The following LDB2 variants were observed in gnomAD, a reference collection of about 807,000 sequenced individuals.
LDB2 encodes LIM domain binding 2.
In LDB2, 12 loss-of-function variants were observed where a neutral mutation model predicts 44.3. That is an observed-to-expected ratio of 0.27 (90% CI 0.17 to 0.44). The LOEUF (loss-of-function observed/expected upper bound fraction) is 0.44. LDB2 is among the 20% of genes least tolerant of loss of function. The probability of loss-of-function intolerance (pLI) is 1.00; values close to 1 mark genes in which losing one functional copy is unlikely to be tolerated. For missense variants in LDB2, 344 were observed against 473.5 expected, an observed-to-expected ratio of 0.73 and a Z score of 2.54; for synonymous variants, 164 against 174.8, an observed-to-expected ratio of 0.94 and a Z score of 0.49.
At chr4:16,525,298 A>C (rs1344832778) in intron 5 of LDB2, among the ~76,000 whole-genome samples, 1 of 152,154 alleles carries the variant, frequency 6.6e-6, no homozygotes, top group Non-Finnish European at 1.5e-5. Flanking sequence ...TGCATTTAGA[A>C]CAGCTGTCTT....
intron 5 of LDB2, among the ~76,000 whole-genome samples, chr4:16,554,119 C>T (rs542481738): frequency 5.4e-4 from 81 of 150,632 alleles, no homozygotes; most frequent in African/African-American, 2.0e-3. Context: ...GGTGCAATCT[C>T]GGCTCACCAC....
intron 2 of LDB2, among the ~76,000 whole-genome samples, chr4:16,682,253 T>A (rs892269648): frequency 2.5e-4 from 38 of 151,350 alleles, no homozygotes; most frequent in African/African-American, 8.0e-4. Context: ...AGTTAAAATT[T>A]AAAAAATCCC....
At chr4:16,877,038 G>A (rs1364138229) in intron 1 of LDB2, among the ~76,000 whole-genome samples, 1 of 152,042 alleles carries the variant, frequency 6.6e-6, no homozygotes, top group Non-Finnish European at 1.5e-5. Flanking sequence ...CTCTCCAGTA[G>A]CTGGGATGGC....
At chr4:16,712,161 A>G (rs768884175) in intron 2 of LDB2, among the ~76,000 whole-genome samples, 1 of 152,226 alleles carries the variant, frequency 6.6e-6, no homozygotes, top group Non-Finnish European at 1.5e-5. Context: ...TTAGAATCAT[A>G]TATCCAGTAA....
intron 2 of LDB2, among the ~76,000 whole-genome samples, chr4:16,684,434 T>C (rs1748723771): frequency 1.3e-5 from 2 of 152,336 alleles, no homozygotes; most frequent in South Asian, 4.1e-4. Context: ...AAATGAAGAA[T>C]GGCTGGATTT....
At chr4:16,705,176 G>A (rs955623940) in intron 2 of LDB2, among the ~76,000 whole-genome samples, 1 of 152,154 alleles carries the variant, frequency 6.6e-6, no homozygotes, top group Non-Finnish European at 1.5e-5. Context: ...ACTGAAAACA[G>A]TCGTGTGCCC....
At chr4:16,530,723 A>G (rs190142860) in intron 5 of LDB2, among the ~76,000 whole-genome samples, 42 of 152,316 alleles carry the variant, frequency 2.8e-4, no homozygotes, top group African/African-American at 9.9e-4. Context: ...ATCCTCACAG[A>G]GACTCTCCTG....
At chr4:16,813,198 C>G (rs556262589) in intron 1 of LDB2, among the ~76,000 whole-genome samples, 1 of 152,078 alleles carries the variant, frequency 6.6e-6, no homozygotes, top group Non-Finnish European at 1.5e-5. Context: ...GTTGGTCAGT[C>G]TGGTCTAGAA....
chr4:16,680,708 AT>A (rs1747614637), intron 2 of LDB2, among the ~76,000 whole-genome samples: 1 of 152,208 alleles, frequency 6.6e-6, no homozygotes, highest in Non-Finnish European at 1.5e-5. Context: ...TCATTGTTGT[AT>A]TCAGAGCCTT....
intron 2 of LDB2, among the ~76,000 whole-genome samples, chr4:16,601,872 T>C (rs1409138505): frequency 6.6e-6 from 1 of 152,154 alleles, no homozygotes; most frequent in Non-Finnish European, 1.5e-5. Flanking sequence ...ACAAGACTGA[T>C]GATTTTATTT....
At chr4:16,872,570 C>G (rs930578101) in intron 1 of LDB2, among the ~76,000 whole-genome samples, 42 of 152,082 alleles carry the variant, frequency 2.8e-4, no homozygotes, top group African/African-American at 7.0e-4. Context: ...GAATGGATGA[C>G]TGGCATAAAG....
intron 1 of LDB2, among the ~76,000 whole-genome samples, chr4:16,767,219 C>T (rs569777471): frequency 7.2e-5 from 11 of 152,098 alleles, no homozygotes; most frequent in Non-Finnish European, 1.6e-4. Context: ...ACTAGCTCTG[C>T]TGGGAGAAGG....
intron 1 of LDB2, among the ~76,000 whole-genome samples, chr4:16,858,979 C>G (rs1463391662): frequency 6.6e-6 from 1 of 152,170 alleles, no homozygotes; most frequent in Non-Finnish European, 1.5e-5. Flanking sequence ...TCAGATAGAA[C>G]TTTGCTCAAC....
intron 2 of LDB2, among the ~76,000 whole-genome samples, chr4:16,603,948 A>T (rs1175995105): frequency 1.3e-5 from 2 of 152,164 alleles, no homozygotes; most frequent in Non-Finnish European, 2.9e-5. Flanking sequence ...AGCTCACTGT[A>T]ACCTCAAACT....
chr4:16,534,633 A>T (rs890571499), intron 5 of LDB2, among the ~76,000 whole-genome samples: 4 of 152,270 alleles, frequency 2.6e-5, no homozygotes, highest in African/African-American at 4.8e-5. Flanking sequence ...ATTTAAAAAA[A>T]TAGCTTTGCC....
intron 2 of LDB2, among the ~76,000 whole-genome samples, chr4:16,713,114 A>T (rs748560128): frequency 6.6e-6 from 1 of 152,250 alleles, no homozygotes; most frequent in Non-Finnish European, 1.5e-5. Flanking sequence ...ATATGATTTC[A>T]TTCATTGAAA....
intron 5 of LDB2, among the ~76,000 whole-genome samples, chr4:16,537,780 A>G (rs559634387): frequency 6.6e-6 from 1 of 152,300 alleles, no homozygotes; most frequent in East Asian, 1.9e-4. Context: ...ATACTGGAGC[A>G]GCACTAGATC....
At chr4:16,730,021 T>C (rs1760403382) in intron 2 of LDB2, among the ~76,000 whole-genome samples, 1 of 152,200 alleles carries the variant, frequency 6.6e-6, no homozygotes, top group Non-Finnish European at 1.5e-5. Context: ...ATTTTTCTCA[T>C]GCTAAAAACA....
intron 5 of LDB2, among the ~76,000 whole-genome samples, chr4:16,537,903 C>A (rs1210156722): frequency 6.6e-6 from 1 of 152,204 alleles, no homozygotes; most frequent in East Asian, 1.9e-4. Context: ...GCAAGAAGGT[C>A]TGCTTATTAC....
Sources: gnomAD v4.1 joint callset for allele counts (sites outside exome capture counted in the v4.1 genomes callset) on GRCh38, gnomAD v4.1.1 for gene constraint, MANE v1.5 for transcripts, NCBI Gene and HGNC (gene_info 2026-07-23, HGNC 2026-07-21) for gene names.